The following ZFHX3 variants were observed in gnomAD, a reference collection of about 807,000 sequenced individuals.
The protein encoded by ZFHX3 is zinc finger homeobox protein 3.
A neutral mutation model predicts 279.1 loss-of-function variants in ZFHX3; 42 were observed. The observed-to-expected ratio is 0.15, with a 90% CI of 0.12 to 0.19. The LOEUF (loss-of-function observed/expected upper bound fraction) is 0.19. ZFHX3 is among the 10% of genes least tolerant of loss of function. The pLI is 1.00. For synonymous variants in ZFHX3, 2,293 were observed against 1,957.8 expected (o/e 1.17, Z -4.52); for missense variants, 4,981 against 4,754.0 (o/e 1.05, Z -1.40).
Position 73,469,851 on chromosome 16 carries a change from C to T in ZFHX3, c.-1546-13593G>A, listed in dbSNP as rs1179344353. Reference sequence around the variant, plus strand: ...CAGCCTGGTCTCGAACTCCTGACCTCGTGATGCACCCGCCTCAGCCTCCCA... The same window carrying T: ...CAGCCTGGTCTCGAACTCCTGACCTTGTGATGCACCCGCCTCAGCCTCCCA... On this transcript the variant is annotated intron_variant, in intron 2 of 17. Transcript: ENST00000641206. Among the ~76,000 whole-genome samples, 12 of 152,008 alleles carry T rather than the reference C, an allele frequency of 7.9e-5. No homozygotes were observed. The East Asian group carries it at 1.5e-3, about 20-fold the overall frequency.
chr16:73,330,144 CA>C (rs2015772265), intron 3 of ZFHX3, among the ~76,000 whole-genome samples: 1 of 152,080 alleles, frequency 6.6e-6, no homozygotes, highest in Non-Finnish European at 1.5e-5. Context: ...GAAGGAGCCT[CA>C]CACTTAGAGC....
chr16:73,266,860 G>A (rs1235397545), intron 4 of ZFHX3, among the ~76,000 whole-genome samples: 2 of 152,230 alleles, frequency 1.3e-5, no homozygotes, highest in Non-Finnish European at 2.9e-5. Flanking sequence ...GGCCTCCCTA[G>A]CCATGTGGAA....
chr16:73,814,518 T>C (rs529636777), intron 1 of ZFHX3, among the ~76,000 whole-genome samples: 2 of 152,226 alleles, frequency 1.3e-5, no homozygotes, highest in African/African-American at 4.8e-5. Context: ...TTAAAATACG[T>C]GATAGTTGTT....
intron 1 of ZFHX3, among the ~76,000 whole-genome samples, chr16:73,777,397 G>A (rs996789325): frequency 2.0e-5 from 3 of 151,152 alleles, no homozygotes; most frequent in Admixed American, 6.6e-5. Context: ...CAGCTACTCA[G>A]GAGGCTGAGG....
At chr16:73,433,767 G>A (rs2017949117) in intron 3 of ZFHX3, among the ~76,000 whole-genome samples, 1 of 152,210 alleles carries the variant, frequency 6.6e-6, no homozygotes, top group South Asian at 2.1e-4. Flanking sequence ...GAGTGAGCCT[G>A]CAGCGGCAGA....
At chr16:72,912,678 T>C (rs1312104661) in intron 3 of ZFHX3, among the ~76,000 whole-genome samples, 1 of 152,062 alleles carries the variant, frequency 6.6e-6, no homozygotes, top group African/African-American at 2.4e-5. Flanking sequence ...GGATGGGGCT[T>C]GCACTTTTAC....
chr16:72,887,891 G>C (rs972529379), intron 4 of ZFHX3, among the ~76,000 whole-genome samples: 4 of 152,012 alleles, frequency 2.6e-5, no homozygotes, highest in African/African-American at 9.7e-5. Flanking sequence ...GCACGTGCGA[G>C]AACGTGTATG....
chr16:73,371,630 G>A (rs918497872), intron 3 of ZFHX3, among the ~76,000 whole-genome samples: 2 of 152,078 alleles, frequency 1.3e-5, no homozygotes, highest in African/African-American at 4.8e-5. Flanking sequence ...AGTCCATCTT[G>A]GTTTGCTGTA....
intron 4 of ZFHX3, among the ~76,000 whole-genome samples, chr16:73,304,708 T>A (rs746220538): frequency 3.3e-5 from 5 of 152,104 alleles, no homozygotes; most frequent in African/African-American, 1.2e-4. Flanking sequence ...TTTGAACCAA[T>A]CAAACTGCAC....
intron 1 of ZFHX3, among the ~76,000 whole-genome samples, chr16:73,009,304 C>T (rs1415050798): frequency 6.6e-6 from 1 of 152,102 alleles, no homozygotes; most frequent in Non-Finnish European, 1.5e-5. Context: ...ATTTCTGCAA[C>T]TGGGAAATTC....
At chr16:73,195,697 G>T (rs925752563) in intron 5 of ZFHX3, among the ~76,000 whole-genome samples, 1 of 152,100 alleles carries the variant, frequency 6.6e-6, no homozygotes, top group Non-Finnish European at 1.5e-5. Flanking sequence ...GATTACAGGC[G>T]TGAGCCACCA....
At chr16:73,396,491 A>G (rs140152236) in intron 3 of ZFHX3, among the ~76,000 whole-genome samples, 1 of 152,288 alleles carries the variant, frequency 6.6e-6, no homozygotes, top group African/African-American at 2.4e-5. Flanking sequence ...TGCTATGAAG[A>G]ACTGCCTGAG....
chr16:73,517,792 T>C (rs982201225), intron 2 of ZFHX3, among the ~76,000 whole-genome samples: 1 of 152,220 alleles, frequency 6.6e-6, no homozygotes, highest in East Asian at 1.9e-4. Flanking sequence ...GGTACAGCGA[T>C]GTACATCCTC....
At chr16:73,757,102 G>A (rs1208423317) in intron 1 of ZFHX3, among the ~76,000 whole-genome samples, 6 of 152,152 alleles carry the variant, frequency 3.9e-5, no homozygotes, top group Non-Finnish European at 7.3e-5. Flanking sequence ...ACAGCTGTGG[G>A]AATCTGAAAC....
At chr16:73,003,042 T>C (rs1274907585) in intron 1 of ZFHX3, among the ~76,000 whole-genome samples, 1 of 152,208 alleles carries the variant, frequency 6.6e-6, no homozygotes, top group South Asian at 2.1e-4. Flanking sequence ...TTTCATTCCA[T>C]TTACATCACT....
At chr16:72,868,727 T>G (rs1161694570) in intron 4 of ZFHX3, among the ~76,000 whole-genome samples, 3 of 152,228 alleles carry the variant, frequency 2.0e-5, no homozygotes, top group African/African-American at 7.2e-5. Flanking sequence ...GACAGTGAGA[T>G]TCCTCAGGCA....
intron 1 of ZFHX3, among the ~76,000 whole-genome samples, chr16:73,802,324 G>A (rs952855153): frequency 1.3e-5 from 2 of 152,258 alleles, no homozygotes; most frequent in Non-Finnish European, 2.9e-5. Flanking sequence ...AGGGAAGGGA[G>A]GGGCCAGTGA....
intron 3 of ZFHX3, among the ~76,000 whole-genome samples, chr16:73,331,087 G>A (rs111283530): frequency 4.6e-5 from 7 of 152,298 alleles, no homozygotes; most frequent in African/African-American, 1.7e-4. Flanking sequence ...CATGGCTAGG[G>A]AGGCCTCAGA....
At chr16:73,563,280 C>T (rs1391171991) in intron 2 of ZFHX3, among the ~76,000 whole-genome samples, 3 of 150,476 alleles carry the variant, frequency 2.0e-5, no homozygotes, top group East Asian at 2.0e-4. Context: ...CTCTGCCACC[C>T]GGGCTGGAGC....
Sources: allele counts gnomAD v4.1 joint callset (sites outside exome capture counted in the v4.1 genomes callset), GRCh38; gene constraint gnomAD v4.1.1; transcripts MANE v1.5; gene names NCBI Gene and HGNC (gene_info 2026-07-23, HGNC 2026-07-21).